ZFHX4: variants seen among roughly 807,000 people sequenced by gnomAD.
The protein encoded by ZFHX4 is zinc finger homeobox 4, also known as zinc finger homeobox protein 4.
Under a neutral mutation model 267.6 loss-of-function variants are expected in ZFHX4, and 56 were observed. That is an observed-to-expected ratio of 0.21 (90% confidence interval 0.17 to 0.26). The LOEUF is 0.26. ZFHX4 is among the 10% of genes least tolerant of loss of function. ZFHX4 has a pLI of 1.00. For synonymous variants in ZFHX4, 1,778 were observed against 1,665.6 expected (o/e 1.07, Z -1.64); for missense variants, 4,332 against 4,420.0 (o/e 0.98, Z 0.56).
chr8:76,784,254 G>A (rs963261497), intron 4 of ZFHX4, among the ~76,000 whole-genome samples: 1 of 151,258 alleles, frequency 6.6e-6, no homozygotes, highest in Admixed American at 6.6e-5. Flanking sequence ...GTTTTTAGAT[G>A]TGAGAAAATA....
intron 3 of ZFHX4, among the ~76,000 whole-genome samples, chr8:76,729,764 C>T (rs901229319): frequency 1.3e-5 from 2 of 152,016 alleles, no homozygotes; most frequent in Admixed American, 1.3e-4. Context: ...ACCTTTCACC[C>T]CAAAAGACAT....
intron 1 of ZFHX4, among the ~76,000 whole-genome samples, chr8:76,699,702 C>G (rs189930179): frequency 1.4e-5 from 2 of 144,076 alleles, no homozygotes; most frequent in African/African-American, 2.6e-5. Context: ...GTGGTGTGAA[C>G]TAATACAGCC....
chr8:76,787,308 A>G (rs1810716895), intron 4 of ZFHX4, among the ~76,000 whole-genome samples: 2 of 152,164 alleles, frequency 1.3e-5, no homozygotes, highest in Admixed American at 1.3e-4. Flanking sequence ...AACAAAATGC[A>G]TGACTATAGA....
rs547998705 is a variant in ZFHX4 at position 76,852,193 on chromosome 8, G to A, written c.5272G>A (p.Gly1758Ser). ...CTTGGGGCCAGATTTGGGCTTGCCA[G>A]GCTCTGCCACATTTGGGATGCCTGG... ...FSLGPDLGLPGSATFGMPGMT... is the reference protein window; with the variant it reads ...FSLGPDLGLPSSATFGMPGMT... The change falls in exon 10 of 11, where the codon GGC (glycine) becomes AGC (serine). Residue 1758 changes from glycine to serine, a missense_variant. Gly to Ser is a moderately conservative substitution (Grantham distance 56). Around this residue, in one of 7 missense-constraint regions of ZFHX4, gnomAD observed 1,371 missense variants for 1,423.1 expected, o/e 0.96. Coordinates refer to ENST00000651372, the MANE Select transcript of ZFHX4 (RefSeq NM_024721.5). 11 of 1,613,818 alleles carry A rather than the reference G, an allele frequency of 6.8e-6. No individual in the cohort carries two copies. The East Asian group carries it at 2.2e-4, about 33-fold the overall frequency.
At chr8:76,690,937 G>A (rs1402790799) in intron 1 of ZFHX4, among the ~76,000 whole-genome samples, 1 of 152,022 alleles carries the variant, frequency 6.6e-6, no homozygotes, top group African/African-American at 2.4e-5. Flanking sequence ...CAGAGCCTGG[G>A]AAGTGGCCTT....
chr8:76,854,832 T>C lies in ZFHX4; in HGVS notation c.7911T>C (p.His2637=), dbSNP rs1400464524. Residue 2637 remains histidine, a synonymous_variant, in exon 10 of 11, where the codon CAT becomes CAC. Coordinates refer to ENST00000651372, the MANE Select transcript of ZFHX4 (RefSeq NM_024721.5). ...DSNPTRKMLD[H]IAREVGLKKR... ...ATCCTACCAGAAAAATGCTTGATCA[T>C]ATTGCCCGCGAAGTCGGGCTGAAAA... 2 of 1,610,878 alleles carry C rather than the reference T, an allele frequency of 1.2e-6. No individual in the cohort carries two copies. Among genetic ancestry groups the C allele is most frequent in the Admixed American group, 3.4e-5 (2 of 59,358 alleles).
chr8:76,699,439 A>G (rs147780417), intron 1 of ZFHX4, among the ~76,000 whole-genome samples: 92 of 152,314 alleles, frequency 6.0e-4, no homozygotes, highest in African/African-American at 2.2e-3. Context: ...CACCAAAATA[A>G]GCAAATAGCA....
At chr8:76,838,102 C>T (rs1585996048) in intron 5 of ZFHX4, among the ~76,000 whole-genome samples, 1 of 152,028 alleles carries the variant, frequency 6.6e-6, no homozygotes, top group Non-Finnish European at 1.5e-5. Flanking sequence ...AAAAGTTGTT[C>T]TAAATAAGAT....
rs142213538 is a variant in ZFHX4, at chr8:76,837,797, T to C, written c.3394+4391T>C. 3.3e-3 allele frequency among the ~76,000 whole-genome samples: 510 copies of C among 152,328 alleles called. 4 individuals carry two copies. Among genetic ancestry groups the C allele is most frequent in the African/African-American group, 0.012 (485 of 41,580 alleles). Reference sequence around the variant, plus strand: ...TTTCCACAAATTAAATTGTGGTGAATGGTTTAACATCAATATACAGGTGGG... The same window carrying C: ...TTTCCACAAATTAAATTGTGGTGAACGGTTTAACATCAATATACAGGTGGG... On this transcript the variant is annotated intron_variant, in intron 5 of 10. Coordinates refer to ENST00000651372, the MANE Select transcript of ZFHX4 (RefSeq NM_024721.5).
chr8:76,794,931 C>T (rs1484626847), intron 4 of ZFHX4, among the ~76,000 whole-genome samples: 1 of 150,982 alleles, frequency 6.6e-6, no homozygotes, highest in Non-Finnish European at 1.5e-5. Context: ...AGCCTCTTCT[C>T]AGTTGAAGTC....
Position 76,851,341 on chromosome 8 carries a change from G to A in ZFHX4, c.4420G>A (p.Glu1474Lys), listed in dbSNP as rs374403706. ...PVNGELWAES[E>K]TMSQDDHGLE... ...GAATGGAGAACTGTGGGCAGAGAGCGAAACTATGTCCCAGGATGACCATGG... is the reference window on the plus strand; with the variant it reads ...GAATGGAGAACTGTGGGCAGAGAGCAAAACTATGTCCCAGGATGACCATGG... Residue 1474 changes from glutamate to lysine, a missense_variant, in exon 10 of 11, where the codon GAA becomes AAA. By Grantham distance (56) the Glu-to-Lys change is moderately conservative. Transcript: ENST00000651372. The A allele has an allele frequency of 8.7e-6, 14 of 1,613,656 alleles. No individual in the cohort carries two copies. In the East Asian group the frequency reaches 1.1e-4, roughly 13 times the overall value.
chr8:76,752,149 A>G (rs1809629535), intron 3 of ZFHX4, among the ~76,000 whole-genome samples: 2 of 152,290 alleles, frequency 1.3e-5, no homozygotes, highest in South Asian at 4.1e-4. Context: ...GGACATCAGA[A>G]TTCAGTTTAT....
At position 76,853,191 on chromosome 8, in the gene ZFHX4, G is replaced by T. The variant is rs538414527; in HGVS notation, c.6270G>T (p.Ala2090=). The T allele has an allele frequency of 1.5e-5, 23 of 1,555,170 alleles. No homozygotes were observed. In the East Asian group the frequency reaches 5.6e-4, roughly 38 times the overall value. ...TGATGCAACCTGTGCAACACCCTGC[G>T]CTTCCTCCCCAGCTTGCCCTGCAGC... ...SIMMQPVQHP[A]LPPQLALQLP... The change falls in exon 10 of 11, where the codon GCG becomes GCT. Residue 2090 remains alanine (A), a synonymous_variant. Transcript: ENST00000651372.
intron 3 of ZFHX4, among the ~76,000 whole-genome samples, chr8:76,771,007 G>A (rs1810249467): frequency 6.6e-6 from 1 of 152,268 alleles, no homozygotes; most frequent in African/African-American, 2.4e-5. Context: ...AAGTGAAGGG[G>A]TGATGGTTGT....
intron 3 of ZFHX4, among the ~76,000 whole-genome samples, chr8:76,729,198 C>A (rs181077849): frequency 6.6e-6 from 1 of 152,016 alleles, no homozygotes; most frequent in Non-Finnish European, 1.5e-5. Context: ...TATTCCCCAC[C>A]CTATAGATCT....
intron 3 of ZFHX4, among the ~76,000 whole-genome samples, chr8:76,762,197 T>A (rs1809932765): frequency 6.6e-6 from 1 of 152,136 alleles, no homozygotes. Flanking sequence ...CCCAATTATA[T>A]TCTAGGGATT....
intron 3 of ZFHX4, among the ~76,000 whole-genome samples, chr8:76,745,625 G>A (rs73231775): frequency 6.6e-6 from 1 of 151,864 alleles, no homozygotes; most frequent in Admixed American, 6.6e-5. Flanking sequence ...CCTAAAGATG[G>A]TGATTTCAGT....
chr8:76,792,427 C>G (rs1810861880), intron 4 of ZFHX4, among the ~76,000 whole-genome samples: 1 of 152,020 alleles, frequency 6.6e-6, no homozygotes, highest in Non-Finnish European at 1.5e-5. Flanking sequence ...CCTCAAGGAG[C>G]AAAAGAAAAT....
chr8:76,768,282 C>T (rs551471769), intron 3 of ZFHX4, among the ~76,000 whole-genome samples: 1 of 152,070 alleles, frequency 6.6e-6, no homozygotes, highest in African/African-American at 2.4e-5. Context: ...TTGGGAAATT[C>T]TTGGTAGGCA....
Sources: allele counts gnomAD v4.1 joint callset (sites outside exome capture counted in the v4.1 genomes callset), GRCh38; gene constraint gnomAD v4.1.1; regional missense constraint gnomAD v4.1.1; transcripts MANE v1.5; gene names NCBI Gene and HGNC (gene_info 2026-07-23, HGNC 2026-07-21).